Variants in NOL10 observed in about 807,000 individuals in gnomAD.
NOL10 encodes the protein H_NH0074G24.1.
Under a neutral mutation model 103.5 loss-of-function variants are expected in NOL10, and 58 were observed. The observed-to-expected ratio is 0.56, with a 90% CI of 0.45 to 0.70. The LOEUF is 0.70. Among genes scored for constraint, NOL10 ranks in the 30% least tolerant of loss-of-function variants. The pLI is 0.00. For missense variants in NOL10, 763 were observed against 807.3 expected, an observed-to-expected ratio of 0.95 and a Z score of 0.67; for synonymous variants, 287 against 282.5, an observed-to-expected ratio of 1.02 and a Z score of -0.16.
intron 20 of NOL10, 91 bp downstream of exon 20, chr2:10,577,545 G>C (rs893476446): frequency 1.1e-6 from 1 of 904,258 alleles, no homozygotes; most frequent in Non-Finnish European, 1.7e-6. Context: ...GAAAAGCATT[G>C]AGAAGGCTGC....
intron 9 of NOL10, among the ~76,000 whole-genome samples, chr2:10,661,906 C>A (rs1356678987): frequency 1.3e-5 from 2 of 150,300 alleles, no homozygotes; most frequent in African/African-American, 4.9e-5. Context: ...AAAAGCAAAT[C>A]GGAAAAAAAA....
At chr2:10,617,349 CGACT>C (rs985046819) in intron 13 of NOL10, among the ~76,000 whole-genome samples, 131 of 152,262 alleles carry the variant, frequency 8.6e-4, no homozygotes, top group African/African-American at 3.0e-3. Flanking sequence ...AGAGGCTGGG[CGACT>C]GACTGGTTCC....
At chr2:10,667,811 A>T (rs1680653623) in intron 7 of NOL10, among the ~76,000 whole-genome samples, 1 of 152,180 alleles carries the variant, frequency 6.6e-6, no homozygotes, top group Non-Finnish European at 1.5e-5. Context: ...TGCATTTGTG[A>T]AGTTACTACT....
intron 13 of NOL10, among the ~76,000 whole-genome samples, chr2:10,627,695 C>A (rs1356924867): frequency 1.4e-5 from 2 of 138,810 alleles, no homozygotes; most frequent in African/African-American, 5.6e-5. Context: ...AACAAACAAA[C>A]AAACAAAAAA....
rs1045600 is a variant in NOL10, at chr2:10,571,796, G to C, written c.*275C>G. ...ATTTCACAATATTAAAAAAACCCCA[G>C]CCTGGTTTTCATGATTAACGCCGTG... On this transcript the variant is annotated 3_prime_UTR_variant, in exon 21 of 21. Coordinates refer to ENST00000381685, the MANE Select transcript of NOL10 (RefSeq NM_024894.4). The C allele has an allele frequency of 3.4e-6, 1 of 298,258 alleles. No homozygotes were observed. 18.5% of individuals were successfully genotyped at this position (298,258 alleles called of 1,614,324 possible).
chr2:10,636,436 A>AC (rs1405039899), intron 13 of NOL10, among the ~76,000 whole-genome samples: 5 of 150,092 alleles, frequency 3.3e-5, no homozygotes, highest in African/African-American at 1.2e-4. Flanking sequence ...AAAAAAAAAA[A>AC]AAAAAAAAAA....
chr2:10,592,677 T>C (rs1163043456), intron 17 of NOL10, among the ~76,000 whole-genome samples: 2 of 152,232 alleles, frequency 1.3e-5, no homozygotes, highest in Non-Finnish European at 2.9e-5. Flanking sequence ...ATTTAATAAA[T>C]AGAGAAAATG....
chr2:10,668,386 T>C (rs1680687107), intron 7 of NOL10, among the ~76,000 whole-genome samples: 1 of 152,112 alleles, frequency 6.6e-6, no homozygotes, highest in African/African-American at 2.4e-5. Context: ...TGAATGTAAA[T>C]TTAAAGAACA....
intron 9 of NOL10, among the ~76,000 whole-genome samples, chr2:10,660,923 A>C (rs1265113167): frequency 3.3e-5 from 5 of 151,998 alleles, no homozygotes; most frequent in South Asian, 2.1e-4. Flanking sequence ...AACAAACAAA[A>C]AAAAAGCAAA....
In NOL10 at chr2:10,685,495, C is replaced by G. The variant is rs200294556; in HGVS notation, c.67-883G>C. Among the ~76,000 whole-genome samples, 94 of 18,104 alleles carry G rather than the reference C, an allele frequency of 5.2e-3. 14 individuals carry two copies. In the South Asian group the frequency reaches 0.17, roughly 34 times the overall value. 11.9% of individuals were successfully genotyped at this position (18,104 alleles called of 152,430 possible). ...TGACTGAGAGAGACTCCGTCCCCCC[C>G]CCCCCCCCCCCCGCCAAAAAAAAAG... On this transcript the variant is annotated intron_variant, in intron 1 of 20. Transcript: ENST00000381685.
Position 10,639,337 on chromosome 2 carries a change from G to A in NOL10, c.1026+4983C>T, listed in dbSNP as rs577674561. On this transcript the variant is annotated intron_variant, in intron 13 of 20. Transcript: ENST00000381685. ...CTGGGGAGGCTGAGACAGGAGAATG[G>A]CGTGAAGCCGGGAGGCAGAGCTTGC... is the stretch of plus-strand genomic sequence containing the variant. Among the ~76,000 whole-genome samples the A allele has an allele frequency of 7.2e-5, 11 of 152,300 alleles. No individual in the cohort carries two copies. In the East Asian group the frequency reaches 2.1e-3, roughly 30 times the overall value.
intron 13 of NOL10, among the ~76,000 whole-genome samples, chr2:10,643,876 A>G (rs1678879818): frequency 6.6e-6 from 1 of 152,260 alleles, no homozygotes; most frequent in African/African-American, 2.4e-5. Context: ...CCAGAAAGCA[A>G]ATTCAACCCA....
chr2:10,583,707 T>C (rs1283482246), intron 19 of NOL10, among the ~76,000 whole-genome samples: 1 of 152,218 alleles, frequency 6.6e-6, no homozygotes, highest in Admixed American at 6.5e-5. Context: ...TCACTCTTAG[T>C]CTTCTGGTCT....
At position 10,681,965 on chromosome 2, in the gene NOL10, G is replaced by A. The variant is rs750402382; in HGVS notation, c.211+6C>T. 3.8e-6 allele frequency: 5 copies of A among 1,329,356 alleles called. No homozygotes were observed. The highest frequency in any genetic ancestry group is 5.0e-6 in the Non-Finnish European group (5 of 994,280). The allele number at this position is 1,329,356 out of a possible 1,614,324, so 82.3% of individuals were successfully genotyped here. ...GCATGAAAATCATAACCAAAAAGAT[G>A]CTTACCAGTTGCTAAAATGTACTGT... is the stretch of plus-strand genomic sequence containing the variant. On this transcript the variant is annotated splice_donor_region_variant and intron_variant, in intron 3 of 20. Transcript: ENST00000381685.
intron 14 of NOL10, among the ~76,000 whole-genome samples, chr2:10,606,455 T>C (rs1174213335): frequency 6.6e-6 from 1 of 151,728 alleles, no homozygotes; most frequent in African/African-American, 2.4e-5. Flanking sequence ...TGAAACCCCG[T>C]CTTACCATGC....
At chr2:10,590,255 T>G (rs928815387) in intron 17 of NOL10, among the ~76,000 whole-genome samples, 1 of 152,074 alleles carries the variant, frequency 6.6e-6, no homozygotes, top group East Asian at 1.9e-4. Flanking sequence ...GGACCACAGG[T>G]GCACCACCGC....
chr2:10,625,165 G>T (rs1677380991), intron 13 of NOL10, among the ~76,000 whole-genome samples: 1 of 152,116 alleles, frequency 6.6e-6, no homozygotes, highest in Non-Finnish European at 1.5e-5. Flanking sequence ...TTTAGGGTAG[G>T]GAGACTATTC....
intron 9 of NOL10, among the ~76,000 whole-genome samples, chr2:10,661,764 A>G (rs745986074): frequency 2.4e-4 from 37 of 152,116 alleles, no homozygotes; most frequent in Admixed American, 1.2e-3. Flanking sequence ...TGCTTCCCCT[A>G]TCCAACACTT....
intron 7 of NOL10, 54 bp from the exon 8 acceptor site, chr2:10,667,332 G>A (rs1349272054): frequency 1.6e-6 from 2 of 1,229,250 alleles, no homozygotes; most frequent in African/African-American, 3.0e-5. Context: ...TACTTTAGTG[G>A]GGAAGGAATA....
Sources: gnomAD v4.1 joint callset for allele counts (sites outside exome capture counted in the v4.1 genomes callset) on GRCh38, gnomAD v4.1.1 for gene constraint, MANE v1.5 for transcripts, NCBI Gene and HGNC (gene_info 2026-07-23, HGNC 2026-07-21) for gene names.